Variants in TMEFF2 observed in about 807,000 individuals in gnomAD.
TMEFF2 encodes the protein tomoregulin-2.
TMEFF2 carries 28 observed loss-of-function variants against 53.8 expected under a neutral mutation model. That is an observed-to-expected ratio of 0.52 (90% CI 0.39 to 0.71). The LOEUF (loss-of-function observed/expected upper bound fraction) is 0.71, where lower values mean the gene tolerates loss of function less well. TMEFF2 is among the 30% of genes least tolerant of loss of function. The pLI, the probability that TMEFF2 is intolerant of heterozygous loss-of-function variation, is 0.00. For synonymous variants in TMEFF2, 162 were observed against 166.3 expected, an observed-to-expected ratio of 0.97 and a Z score of 0.20; for missense variants, 353 against 455.2, an observed-to-expected ratio of 0.78 and a Z score of 2.04.
intron 4 of TMEFF2, among the ~76,000 whole-genome samples, chr2:192,088,372 A>AAT (rs1483341814): frequency 2.0e-5 from 3 of 152,122 alleles, no homozygotes; most frequent in African/African-American, 7.2e-5. Flanking sequence ...TAGCTGGGGA[A>AAT]ATATGCGGTC....
chr2:192,128,556 C>T (rs1462747599), intron 4 of TMEFF2, among the ~76,000 whole-genome samples: 3 of 152,102 alleles, frequency 2.0e-5, no homozygotes, highest in African/African-American at 4.8e-5. Context: ...GCCTTCTTAT[C>T]GCAAGAAAAG....
intron 5 of TMEFF2, among the ~76,000 whole-genome samples, chr2:192,046,274 G>T (rs1392707111): frequency 2.6e-5 from 4 of 152,172 alleles, no homozygotes; most frequent in Non-Finnish European, 4.4e-5. Context: ...TGAGACAGGA[G>T]AATTGCTTGA....
intron 7 of TMEFF2, among the ~76,000 whole-genome samples, chr2:191,988,560 A>G (rs939859790): frequency 2.0e-5 from 3 of 152,234 alleles, no homozygotes; most frequent in Non-Finnish European, 4.4e-5. Flanking sequence ...TTTAAAGTCT[A>G]TAGACTAATA....
At chr2:192,128,035 C>T (rs1173440358) in intron 4 of TMEFF2, among the ~76,000 whole-genome samples, 2 of 152,148 alleles carry the variant, frequency 1.3e-5, no homozygotes, top group Non-Finnish European at 2.9e-5. Flanking sequence ...ATTAATATTT[C>T]CAATCTTGAT....
At chr2:192,169,263 T>A (rs143682757) in intron 4 of TMEFF2, among the ~76,000 whole-genome samples, 2 of 152,272 alleles carry the variant, frequency 1.3e-5, no homozygotes, top group African/African-American at 4.8e-5. Context: ...TTTCATTGAC[T>A]TTAGTCTTGG....
intron 4 of TMEFF2, among the ~76,000 whole-genome samples, chr2:192,060,420 C>T (rs1688015787): frequency 6.6e-6 from 1 of 152,158 alleles, no homozygotes; most frequent in African/African-American, 2.4e-5. Context: ...AGTTCACAAC[C>T]TTTTAGCGGG....
intron 4 of TMEFF2, among the ~76,000 whole-genome samples, chr2:192,059,259 G>A (rs1228245329): frequency 6.7e-6 from 1 of 149,804 alleles, no homozygotes; most frequent in Non-Finnish European, 1.5e-5. Flanking sequence ...TTTTCAATTT[G>A]GATGTCTTAA....
At chr2:192,070,052 G>A (rs568546833) in intron 4 of TMEFF2, among the ~76,000 whole-genome samples, 7 of 105,432 alleles carry the variant, frequency 6.6e-5, no homozygotes, top group Admixed American at 3.3e-4. Context: ...ATGTCTTCAC[G>A]TTTGGGGGGA....
At chr2:192,162,673 T>C (rs1177736301) in intron 4 of TMEFF2, among the ~76,000 whole-genome samples, 1 of 152,054 alleles carries the variant, frequency 6.6e-6, no homozygotes, top group Non-Finnish European at 1.5e-5. Context: ...ATAGCTCCTG[T>C]GAGTCTTAGG....
intron 7 of TMEFF2, among the ~76,000 whole-genome samples, chr2:191,964,236 C>G (rs1692353994): frequency 8.7e-6 from 1 of 114,482 alleles, no homozygotes; most frequent in Non-Finnish European, 1.7e-5. Context: ...TTCTTTCCTT[C>G]CTTCCTTCCT....
At chr2:191,964,623 A>G (rs1692418584) in intron 7 of TMEFF2, among the ~76,000 whole-genome samples, 3 of 150,368 alleles carry the variant, frequency 2.0e-5, no homozygotes, top group Admixed American at 2.0e-4. Flanking sequence ...ATAAAAATGA[A>G]AAAGGCCCTC....
intron 3 of TMEFF2, among the ~76,000 whole-genome samples, 182 bp from the exon 4 acceptor site, chr2:192,179,876 A>G (rs922044207): frequency 4.0e-5 from 6 of 151,616 alleles, no homozygotes; most frequent in African/African-American, 1.5e-4. Context: ...TGTAACTTCT[A>G]TAATAAATTA....
intron 4 of TMEFF2, among the ~76,000 whole-genome samples, chr2:192,061,501 G>C (rs1033398271): frequency 6.6e-6 from 1 of 152,140 alleles, no homozygotes; most frequent in African/African-American, 2.4e-5. Context: ...GATGTGCATA[G>C]GATACAGCAC....
chr2:192,187,973 C>T (rs1691356360), intron 2 of TMEFF2, among the ~76,000 whole-genome samples: 1 of 152,132 alleles, frequency 6.6e-6, no homozygotes, highest in South Asian at 2.1e-4. Flanking sequence ...TTGCCAGCAC[C>T]TTCCACAGAG....
intron 4 of TMEFF2, among the ~76,000 whole-genome samples, chr2:192,067,166 T>C (rs910781101): frequency 1.3e-5 from 2 of 151,838 alleles, no homozygotes; most frequent in African/African-American, 2.4e-5. Flanking sequence ...AGAGATTTTA[T>C]GGAAGAGTAG....
chr2:192,032,191 A>G (rs1687155391), intron 5 of TMEFF2, among the ~76,000 whole-genome samples: 1 of 152,218 alleles, frequency 6.6e-6, no homozygotes, highest in Admixed American at 6.5e-5. Context: ...TACATGACTT[A>G]GAAGGTCAGA....
Position 192,174,668 on chromosome 2 carries a change from C to T in TMEFF2, c.439+5000G>A, listed in dbSNP as rs1367409890. Among the ~76,000 whole-genome samples the T allele has an allele frequency of 1.9e-4, 29 of 151,704 alleles. No individual in the cohort carries two copies. In the Admixed American group the frequency reaches 1.9e-3, roughly 10 times the overall value. ...AAAAGAGGATAGTTTCTGCTTTCTT[C>T]CCATATATATTGCCTGGGAAGAATT... On this transcript the variant is annotated intron_variant, in intron 4 of 9. Coordinates refer to ENST00000272771, the MANE Select transcript of TMEFF2 (RefSeq NM_016192.4).
At chr2:192,117,151 A>G (rs1166419162) in intron 4 of TMEFF2, among the ~76,000 whole-genome samples, 1 of 152,136 alleles carries the variant, frequency 6.6e-6, no homozygotes, top group African/African-American at 2.4e-5. Flanking sequence ...CTGTAATCAG[A>G]TGTAGTAAAA....
rs1195601704 is a variant in TMEFF2 at position 192,078,293 on chromosome 2, A to C, written c.440-20518T>G. The stretch of plus-strand genomic sequence containing the variant: ...TGCAGGGATATTGAGATTACATGCA[A>C]CATATAGAAAGATCTTGACATATGT... On this transcript the variant is annotated intron_variant, in intron 4 of 9. Transcript: ENST00000272771. Among the ~76,000 whole-genome samples, 3 of 152,300 alleles carry C rather than the reference A, an allele frequency of 2.0e-5. No individual in the cohort carries two copies. In the East Asian group the frequency reaches 5.8e-4, roughly 29 times the overall value.
Sources: allele counts gnomAD v4.1 joint callset (sites outside exome capture counted in the v4.1 genomes callset), GRCh38; gene constraint gnomAD v4.1.1; transcripts MANE v1.5; gene names NCBI Gene and HGNC (gene_info 2026-07-23, HGNC 2026-07-21).